DCHS2: variants seen among roughly 807,000 people sequenced by gnomAD.
DCHS2 encodes the protein dachsous cadherin-related 2.
DCHS2 carries 142 observed loss-of-function variants against 182.4 expected under a neutral mutation model. That is an observed-to-expected ratio of 0.78 (90% CI 0.68 to 0.89). DCHS2 has a LOEUF of 0.89. Ranked by LOEUF, DCHS2 falls within the 40% of genes least tolerant of loss-of-function variation. DCHS2 has a pLI of 0.00. For synonymous variants in DCHS2, 1,740 were observed against 1,663.3 expected, an observed-to-expected ratio of 1.05 and a Z score of -1.12; for missense variants, 4,319 against 4,198.6, an observed-to-expected ratio of 1.03 and a Z score of -0.79.
intron 1 of DCHS2, among the ~76,000 whole-genome samples, chr4:154,481,899 C>T (rs1305519834): frequency 6.6e-6 from 1 of 152,166 alleles, no homozygotes; most frequent in Non-Finnish European, 1.5e-5. Flanking sequence ...ATGAAGGACA[C>T]CTGGAAATAA....
chr4:154,464,209 A>G (rs1408529682), intron 1 of DCHS2, among the ~76,000 whole-genome samples: 1 of 152,216 alleles, frequency 6.6e-6, no homozygotes, highest in Non-Finnish European at 1.5e-5. Context: ...ATAAACAGCC[A>G]TACTGAAACA....
chr4:154,467,220 A>G (rs1414377353), intron 1 of DCHS2, among the ~76,000 whole-genome samples: 2 of 152,192 alleles, frequency 1.3e-5, no homozygotes, highest in African/African-American at 4.8e-5. Context: ...TAGAATAGAA[A>G]ATAATTTATA....
Position 154,235,134 on chromosome 4 carries a change from C to T in DCHS2, c.9518G>A (p.Cys3173Tyr). The T allele has an allele frequency of 1.2e-6, 2 of 1,614,016 alleles. No homozygotes were observed. The highest frequency in any genetic ancestry group is 2.2e-5 in the South Asian group (2 of 91,084). The change falls in exon 20 of 20, where the codon TGC becomes TAC. Residue 3173 changes from cysteine (C) to tyrosine (Y), a missense_variant. By Grantham distance (194) the Cys-to-Tyr change is radical. Transcript: ENST00000357232. ...TFGEGDQGEG[C>Y]STTCAQNNVL... ...ATTATTTTGAGCACAGGTGGTGCTG[C>T]AGCCTTCCCCTTGATCTCCTTCCCC...
chr4:154,302,715 G>A (rs780755244), intron 12 of DCHS2, among the ~76,000 whole-genome samples: 4 of 151,290 alleles, frequency 2.6e-5, no homozygotes, highest in Non-Finnish European at 5.9e-5. Context: ...GGGCAGAACA[G>A]GTGGAGACTT....
chr4:154,382,809 A>C (rs1026288478), intron 1 of DCHS2, among the ~76,000 whole-genome samples: 16 of 152,136 alleles, frequency 1.1e-4, no homozygotes, highest in African/African-American at 3.6e-4. Flanking sequence ...GTCATCTTGC[A>C]CCAGTCAGAA....
intron 2 of DCHS2, chr4:154,374,283 T>A (rs1168706585): frequency 1.1e-5 from 3 of 269,664 alleles, no homozygotes; most frequent in Non-Finnish European, 2.1e-5. Flanking sequence ...CTTGTTTAGA[T>A]CACAGTGGAC....
chr4:154,404,122 CTTCT>C (rs1336984330), intron 1 of DCHS2, among the ~76,000 whole-genome samples: 1 of 152,028 alleles, frequency 6.6e-6, no homozygotes, highest in Non-Finnish European at 1.5e-5. Context: ...CTTGCTCTGT[CTTCT>C]TTCTTTCTTC....
At chr4:154,469,230 TA>T (rs1447220752) in intron 1 of DCHS2, among the ~76,000 whole-genome samples, 2 of 152,084 alleles carry the variant, frequency 1.3e-5, no homozygotes, top group Admixed American at 6.6e-5. Flanking sequence ...CTTCTCAATA[TA>T]AAAATTTCTA....
At chr4:154,334,777 G>T (rs999005293) in intron 4 of DCHS2, 91 bp downstream of exon 4, 19 of 1,075,218 alleles carry the variant, frequency 1.8e-5, no homozygotes, top group African/African-American at 1.3e-4. Flanking sequence ...GTGGAAAGAA[G>T]AAAAAAATTA....
At chr4:154,401,546 G>A (rs1364091392) in intron 1 of DCHS2, among the ~76,000 whole-genome samples, 1 of 152,092 alleles carries the variant, frequency 6.6e-6, no homozygotes, top group Non-Finnish European at 1.5e-5. Flanking sequence ...TATGTAGCAG[G>A]CCTTTTTATT....
intron 10 of DCHS2, among the ~76,000 whole-genome samples, chr4:154,314,911 C>A (rs1735799191): frequency 6.6e-6 from 1 of 152,114 alleles, no homozygotes; most frequent in East Asian, 1.9e-4. Flanking sequence ...AAAAATTCAG[C>A]ATGTGCTGTG....
chr4:154,486,423 G>A (rs1164671775), intron 1 of DCHS2: 1 of 1,303,986 alleles, frequency 7.7e-7, no homozygotes, highest in African/African-American at 1.5e-5. Flanking sequence ...CAGATGACAT[G>A]GTATTATCTT....
Position 154,234,387 on chromosome 4 carries a change from A to ACTT in DCHS2, c.*146_*148dup. 1 of 1,138,490 alleles carries ACTT rather than the reference A, an allele frequency of 8.8e-7. No homozygotes were observed. Among genetic ancestry groups the ACTT allele is most frequent in the Non-Finnish European group, 1.2e-6 (1 of 837,080 alleles). The allele number at this position is 1,138,490 out of a possible 1,614,324, so 70.5% of individuals were successfully genotyped here. ...ATTAAGGCTGGAAGAAATTGGAGAAACTTTAATGGGGAAGTTTTAAAAACT... is the reference window on the plus strand; with the variant it reads ...ATTAAGGCTGGAAGAAATTGGAGAAACTTCTTTAATGGGGAAGTTTTAAAAACT... On this transcript the variant is annotated 3_prime_UTR_variant, in exon 20 of 20. Coordinates refer to ENST00000357232, the MANE Select transcript of DCHS2 (RefSeq NM_001358235.2).
chr4:154,436,653 C>G (rs1432864428), intron 1 of DCHS2, among the ~76,000 whole-genome samples: 1 of 152,098 alleles, frequency 6.6e-6, no homozygotes, highest in Non-Finnish European at 1.5e-5. Context: ...GGCTCGTATA[C>G]ATGAAGTAGG....
rs1241705660 is a variant in DCHS2 at position 154,237,083 on chromosome 4, A to C, written c.7569T>G (p.Asp2523Glu). 1 of 1,613,882 alleles carries C rather than the reference A, an allele frequency of 6.2e-7. No homozygotes were observed. Among genetic ancestry groups the C allele is most frequent in the Admixed American group, 1.7e-5 (1 of 60,008 alleles). Residue 2523 changes from aspartate to glutamate, a missense_variant, in exon 20 of 20, where the codon GAT becomes GAG. Physicochemically the swap from Asp to Glu is conservative, Grantham distance 45. Transcript: ENST00000357232. ...GAGCTCTCAGGTCAGGATTTCCACC[A>C]TCACTGGCTTCCACAAGAAATTGAG... ...STTQFLVEAS[D>E]GGNPDLRALT...
intron 7 of DCHS2, 79 bp downstream of exon 7, chr4:154,328,013 CT>C: frequency 1.0e-6 from 1 of 1,004,960 alleles, no homozygotes; most frequent in Non-Finnish European, 1.4e-6. Context: ...AATAGAACTT[CT>C]TTTCCCAGAA....
At chr4:154,237,324 TTA>T in intron 19 of DCHS2, 165 bp from the exon 20 acceptor site, 2 of 942,508 alleles carry the variant, frequency 2.1e-6, no homozygotes, top group Non-Finnish European at 3.0e-6. Flanking sequence ...ATTATTGTAT[TTA>T]TATGTTTATA....
At chr4:154,487,880 T>C (rs779010599) in intron 1 of DCHS2, among the ~76,000 whole-genome samples, 9 of 152,166 alleles carry the variant, frequency 5.9e-5, no homozygotes, top group Non-Finnish European at 1.0e-4. Context: ...TCCCATCAGA[T>C]AAGAAATAGG....
chr4:154,490,554 C>T lies in DCHS2; in HGVS notation c.802G>A (p.Ala268Thr), dbSNP rs1728782455. ...CGCCGGGGTCGGCCGCCGTCCCATG[C>T]CTCGATCTGCAGCCGGTGCGCCGCC... is the stretch of plus-strand genomic sequence containing the variant. ...EAAAHRLQIEAWDGGRPRRTG... is the reference protein window; with the variant it reads ...EAAAHRLQIETWDGGRPRRTG... The change falls in exon 1 of 20, where the codon GCA (alanine) becomes ACA (threonine). Residue 268 changes from alanine to threonine, a missense_variant. By Grantham distance (58) the Ala-to-Thr change is moderately conservative. Transcript: ENST00000357232. 3.2e-6 allele frequency: 5 copies of T among 1,541,286 alleles called. No individual in the cohort carries two copies. The highest frequency in any genetic ancestry group is 1.4e-5 in the African/African-American group (1 of 73,138).
Sources: allele counts gnomAD v4.1 joint callset (sites outside exome capture counted in the v4.1 genomes callset), GRCh38; gene constraint gnomAD v4.1.1; transcripts MANE v1.5; gene names NCBI Gene and HGNC (gene_info 2026-07-23, HGNC 2026-07-21).